Variants in PCDHA9 observed in about 807,000 individuals in gnomAD.
The protein encoded by PCDHA9 is protocadherin alpha 9, also known as protocadherin alpha-9.
In PCDHA9, 62 loss-of-function variants were observed where a neutral mutation model predicts 62.0. The observed-to-expected ratio is 1.00, with a 90% CI of 0.81 to 1.23. PCDHA9 has a LOEUF of 1.23. Among genes scored for constraint, PCDHA9 ranks in the 50% most tolerant of loss-of-function variants. PCDHA9 has a pLI of 0.00. For synonymous variants in PCDHA9, 557 were observed against 567.6 expected, an observed-to-expected ratio of 0.98 and a Z score of 0.27; for missense variants, 1,205 against 1,249.8, an observed-to-expected ratio of 0.96 and a Z score of 0.54.
chr5:140,993,828 A>G (rs1170306716), intron 3 of PCDHA9, among the ~76,000 whole-genome samples: 1 of 152,226 alleles, frequency 6.6e-6, no homozygotes, highest in East Asian at 1.9e-4. Context: ...AGGCTATACC[A>G]TATAGCCTAG....
intron 1 of PCDHA9, among the ~76,000 whole-genome samples, chr5:140,951,214 T>C (rs994639576): frequency 1.3e-5 from 2 of 152,218 alleles, no homozygotes; most frequent in African/African-American, 2.4e-5. Context: ...ATCTCAGGTT[T>C]GGATTCTTGA....
At chr5:140,860,155 ATATATATATG>A (rs1439486095) in intron 1 of PCDHA9, 1 of 149,648 alleles carries the variant, frequency 6.7e-6, no homozygotes, top group Non-Finnish European at 1.5e-5. Flanking sequence ...ATATATGTGT[ATATATATATG>A]TATATATATA....
intron 1 of PCDHA9, chr5:140,877,530 T>C: frequency 1.2e-6 from 2 of 1,613,780 alleles, no homozygotes; most frequent in Non-Finnish European, 1.7e-6. Context: ...CAGTGGGCGC[T>C]GTGGATCCCG....
At chr5:140,883,384 CAG>C (rs1554177987) in intron 1 of PCDHA9, 2 of 1,614,072 alleles carry the variant, frequency 1.2e-6, no homozygotes, top group African/African-American at 2.7e-5. Context: ...TTGCCCTAAT[CAG>C]TGTGTCCGAT....
intron 3 of PCDHA9, 65 bp downstream of exon 3, chr5:140,982,628 G>T: frequency 6.3e-7 from 1 of 1,578,118 alleles, no homozygotes; most frequent in Non-Finnish European, 8.6e-7. Flanking sequence ...ACCTACTTTT[G>T]TAAGATCAGG....
rs782329809 is a variant in PCDHA9 at position 140,857,982 on chromosome 5, G to A, written c.2394+7093G>A. 7 of 1,596,582 alleles carry A rather than the reference G, an allele frequency of 4.4e-6. 1 individual carries two copies. In the Admixed American group the frequency reaches 5.1e-5, roughly 12 times the overall value. ...GATGAGACTGACTCGCCACGCCAGC[G>A]CCTACTGGTGCTGGTGAAGGACCAT... On this transcript the variant is annotated intron_variant, in intron 1 of 3. Coordinates refer to ENST00000532602, the MANE Select transcript of PCDHA9 (RefSeq NM_031857.2).
chr5:140,980,252 A>C (rs993133768), intron 2 of PCDHA9, among the ~76,000 whole-genome samples: 6 of 152,188 alleles, frequency 3.9e-5, no homozygotes, highest in African/African-American at 1.4e-4. Context: ...CAATGGGTAA[A>C]AGCATGGTTT....
intron 3 of PCDHA9, among the ~76,000 whole-genome samples, chr5:140,985,932 G>A (rs1554247524): frequency 6.6e-6 from 1 of 151,798 alleles, no homozygotes; most frequent in African/African-American, 2.4e-5. Flanking sequence ...GTAGAGCCGG[G>A]GTTTCACTGT....
At chr5:141,003,221 G>A (rs2098116088) in intron 3 of PCDHA9, among the ~76,000 whole-genome samples, 1 of 152,206 alleles carries the variant, frequency 6.6e-6, no homozygotes, top group Admixed American at 6.5e-5. Flanking sequence ...GCATGAAAGA[G>A]GAAAGCTGGA....
chr5:140,880,646 C>A (rs782457852), intron 1 of PCDHA9, among the ~76,000 whole-genome samples: 1 of 152,060 alleles, frequency 6.6e-6, no homozygotes, highest in Non-Finnish European at 1.5e-5. Context: ...ACTTGAGAGC[C>A]CAACTGAGGT....
At chr5:140,858,372 C>T in intron 1 of PCDHA9, 1 of 1,587,864 alleles carries the variant, frequency 6.3e-7, no homozygotes, top group Non-Finnish European at 8.6e-7. Flanking sequence ...CCCAGCCTTC[C>T]ACCATGCCCA....
chr5:140,866,929 A>C (rs1189639503), intron 1 of PCDHA9: 1 of 152,160 alleles, frequency 6.6e-6, no homozygotes, highest in African/African-American at 2.4e-5. Context: ...CAAAGGGCGC[A>C]TAATCTCTTC....
At position 140,877,853 on chromosome 5, in the gene PCDHA9, A is replaced by G. The variant is rs1299590962; in HGVS notation, c.2394+26964A>G. On this transcript the variant is annotated intron_variant, in intron 1 of 3. Transcript: ENST00000532602. ...CCTCCCAGTGAAGTAAGTTATTAAT[A>G]TTATTTAGATATATTTGTTTCCTTG... 2.0e-6 allele frequency: 3 copies of G among 1,535,406 alleles called. No homozygotes were observed. The East Asian group carries it at 7.1e-5, about 36-fold the overall frequency.
intron 1 of PCDHA9, among the ~76,000 whole-genome samples, chr5:140,872,145 G>A (rs2053502547): frequency 6.6e-6 from 1 of 151,676 alleles, no homozygotes; most frequent in Non-Finnish European, 1.5e-5. Context: ...TACTCCATTA[G>A]TATGACATGA....
chr5:140,938,092 A>G (rs1255638035), intron 1 of PCDHA9, among the ~76,000 whole-genome samples: 4 of 152,034 alleles, frequency 2.6e-5, no homozygotes, highest in African/African-American at 9.7e-5. Context: ...TAGTTTTATT[A>G]TTGTATTTTT....
At chr5:140,856,609 A>G in intron 1 of PCDHA9, 1 of 1,598,102 alleles carries the variant, frequency 6.3e-7, no homozygotes, top group Non-Finnish European at 8.6e-7. Context: ...AAAAAGACAA[A>G]GACAAATTCC....
At chr5:140,942,160 A>G (rs782205493) in intron 1 of PCDHA9, among the ~76,000 whole-genome samples, 11 of 152,218 alleles carry the variant, frequency 7.2e-5, no homozygotes, top group Non-Finnish European at 1.5e-4. Context: ...AACAGCTTCC[A>G]TATTTCTCTA....
intron 1 of PCDHA9, chr5:140,884,619 A>G (rs782146160): frequency 3.1e-6 from 5 of 1,614,074 alleles, no homozygotes; most frequent in Non-Finnish European, 4.2e-6. Context: ...GGTTCTGCAG[A>G]GGGAACAGGC....
intron 1 of PCDHA9, chr5:140,967,835 G>T: frequency 6.2e-7 from 1 of 1,614,142 alleles, no homozygotes; most frequent in Non-Finnish European, 8.5e-7. Flanking sequence ...GGACATCGTG[G>T]ACGTGAATGA....
Sources: allele counts gnomAD v4.1 joint callset (sites outside exome capture counted in the v4.1 genomes callset), GRCh38; gene constraint gnomAD v4.1.1; transcripts MANE v1.5; gene names NCBI Gene and HGNC (gene_info 2026-07-23, HGNC 2026-07-21).